ETV1: variants seen among roughly 807,000 people sequenced by gnomAD.
ETV1 encodes ETS variant transcription factor 1, also known as ETS translocation variant 1.
In ETV1, 27 loss-of-function variants were observed where a neutral mutation model predicts 62.3. The ratio of observed to expected loss-of-function variants is 0.43; its 90% confidence interval spans 0.32 to 0.60. The LOEUF (loss-of-function observed/expected upper bound fraction) is 0.60. Among genes scored for constraint, ETV1 ranks in the 20% least tolerant of loss-of-function variants. The probability of loss-of-function intolerance (pLI) is 0.06; values close to 1 mark genes in which losing one functional copy is unlikely to be tolerated. For missense variants in ETV1, 605 were observed against 605.8 expected, an observed-to-expected ratio of 1.00 and a Z score of 0.01; for synonymous variants, 222 against 199.6, an observed-to-expected ratio of 1.11 and a Z score of -0.94.
At chr7:13,988,902 T>C (rs1023106852) in intron 3 of ETV1, 106 bp downstream of exon 3, 1 of 1,526,162 alleles carries the variant, frequency 6.6e-7, no homozygotes, top group African/African-American at 1.4e-5. Flanking sequence ...AGCAGATAAG[T>C]ATCTGCAATC....
chr7:13,905,922 C>T (rs952222071), intron 12 of ETV1, among the ~76,000 whole-genome samples: 10 of 152,076 alleles, frequency 6.6e-5, no homozygotes, highest in Non-Finnish European at 1.2e-4. Context: ...TCCCTTTATC[C>T]GCCACAGCTG....
At chr7:13,971,754 T>A (rs533354279) in intron 6 of ETV1, among the ~76,000 whole-genome samples, 4 of 152,260 alleles carry the variant, frequency 2.6e-5, no homozygotes, top group African/African-American at 9.6e-5. Context: ...ACAAACTAGT[T>A]CTAAAAATAA....
intron 9 of ETV1, among the ~76,000 whole-genome samples, chr7:13,928,773 C>T (rs904385830): frequency 6.6e-6 from 1 of 152,114 alleles, no homozygotes; most frequent in Non-Finnish European, 1.5e-5. Context: ...GCCTGGCCAC[C>T]ATGGTGAAAC....
chr7:13,954,246 A>G (rs1483766196), intron 6 of ETV1, among the ~76,000 whole-genome samples: 1 of 152,234 alleles, frequency 6.6e-6, no homozygotes, highest in Non-Finnish European at 1.5e-5. Context: ...TCAGTGATGC[A>G]AATACTTGCT....
intron 12 of ETV1, among the ~76,000 whole-genome samples, chr7:13,905,943 ATCT>A (rs1176831060): frequency 3.3e-5 from 5 of 151,954 alleles, no homozygotes; most frequent in African/African-American, 9.7e-5. Flanking sequence ...TTTTTCCCCA[ATCT>A]TCTTTTGAAC....
At chr7:13,907,815 T>C (rs1265431338) in intron 11 of ETV1, 2 of 470,612 alleles carry the variant, frequency 4.2e-6, no homozygotes, top group African/African-American at 4.0e-5. Context: ...GAGAGACATA[T>C]ACCTCTTAAA....
chr7:13,988,007 A>T, intron 4 of ETV1, 79 bp downstream of exon 4: 1 of 793,790 alleles, frequency 1.3e-6, no homozygotes, highest in Non-Finnish European at 2.2e-6. Context: ...TTAAGATAAG[A>T]CTGAAGTGCT....
chr7:13,896,305 C>A (rs1048408768), intron 13 of ETV1, among the ~76,000 whole-genome samples: 1 of 151,906 alleles, frequency 6.6e-6, no homozygotes, highest in East Asian at 1.9e-4. Context: ...AAATGTTGAC[C>A]TTGAATAATA....
rs1288564717 is a variant in ETV1 at position 13,907,025 on chromosome 7, T to A, written c.941-426A>T. 2.0e-5 allele frequency among the ~76,000 whole-genome samples: 3 copies of A among 152,196 alleles called. No homozygotes were observed. The East Asian group carries it at 5.8e-4, about 29-fold the overall frequency. On this transcript the variant is annotated intron_variant, in intron 11 of 13. Coordinates refer to ENST00000430479, the MANE Select transcript of ETV1 (RefSeq NM_004956.5). The stretch of plus-strand genomic sequence containing the variant: ...CAATCTTAAGCTCTGGGCATTTGAT[T>A]CATACAAATTAAATTCTGCAAACTA...
At position 13,893,682 on chromosome 7, in the gene ETV1, A is replaced by G. The variant is rs1781535393; in HGVS notation, c.*2184T>C. On this transcript the variant is annotated 3_prime_UTR_variant, in exon 14 of 14. Transcript: ENST00000430479. ...TCAATACAGTTTTCATTCAGAATAT[A>G]TTTTAAAGACTCACTTAAATTTTCT... 4.3e-6 allele frequency: 1 copy of G among 232,760 alleles called. No individual in the cohort carries two copies. Among genetic ancestry groups the G allele is most frequent in the Non-Finnish European group, 8.5e-6 (1 of 117,552 alleles). The allele number at this position is 232,760 out of a possible 1,614,324, so 14.4% of individuals were successfully genotyped here.
At chr7:13,901,031 T>C (rs889523587) in intron 12 of ETV1, among the ~76,000 whole-genome samples, 192 bp from the exon 13 acceptor site, 4 of 147,862 alleles carry the variant, frequency 2.7e-5, no homozygotes, top group Admixed American at 1.4e-4. Flanking sequence ...TGAAACAGAG[T>C]CTTGCTCTGT....
Position 13,989,644 on chromosome 7 carries a change from C to T in ETV1, c.-366G>A. 2.5e-6 allele frequency: 1 copy of T among 399,046 alleles called. No homozygotes were observed. Among genetic ancestry groups the T allele is most frequent in the Non-Finnish European group, 4.4e-6 (1 of 226,108 alleles). 24.7% of individuals were successfully genotyped at this position (399,046 alleles called of 1,614,324 possible). A position where few individuals can be genotyped will look rare whatever the true frequency, so the allele number is the denominator to read the frequency against. ...CATTAATTATAGCCCAGCACTTCCC[C>T]CTTGGAAGCCGAAAGCGCCTCTGAC... On this transcript the variant is annotated 5_prime_UTR_variant, in exon 1 of 14. Coordinates refer to ENST00000430479, the MANE Select transcript of ETV1 (RefSeq NM_004956.5).
At chr7:13,977,784 A>G (rs935137417) in intron 5 of ETV1, among the ~76,000 whole-genome samples, 11 of 151,924 alleles carry the variant, frequency 7.2e-5, no homozygotes, top group Non-Finnish European at 1.3e-4. Context: ...AAGCTATAGA[A>G]TTTCCATTTC....
rs1162329351 is a variant in ETV1 at position 13,895,350 on chromosome 7, A to G, written c.*516T>C. 1 of 234,374 alleles carries G rather than the reference A, an allele frequency of 4.3e-6. No individual in the cohort carries two copies. The highest frequency in any genetic ancestry group is 8.4e-6 in the Non-Finnish European group (1 of 118,640). 14.5% of individuals were successfully genotyped at this position (234,374 alleles called of 1,614,324 possible). On this transcript the variant is annotated 3_prime_UTR_variant, in exon 14 of 14. Transcript: ENST00000430479. ...TTTTACAAGTGGTGCAAAAACAGTC[A>G]TTTCTAACAATTAAACTGCCATTTA...
intron 6 of ETV1, among the ~76,000 whole-genome samples, chr7:13,950,941 C>CAAAA (rs1554303958): frequency 6.8e-6 from 1 of 147,108 alleles, no homozygotes. Context: ...CACACACACA[C>CAAAA]AATATCGAGC....
At position 13,895,138 on chromosome 7, in the gene ETV1, A is replaced by G. The variant is rs1781650938; in HGVS notation, c.*728T>C. On this transcript the variant is annotated 3_prime_UTR_variant, in exon 14 of 14. Transcript: ENST00000430479. ...ATTTGTATCTAAACAGCAAGGTGGC[A>G]CCAGATACACGTAATGCTACTGGCC... is the stretch of plus-strand genomic sequence containing the variant. 1 of 233,506 alleles carries G rather than the reference A, an allele frequency of 4.3e-6. No homozygotes were observed. Among genetic ancestry groups the G allele is most frequent in the Non-Finnish European group, 8.5e-6 (1 of 117,942 alleles). The allele number at this position is 233,506 out of a possible 1,614,324, so 14.5% of individuals were successfully genotyped here. A position where few individuals can be genotyped will look rare whatever the true frequency, so the allele number is the denominator to read the frequency against.
At chr7:13,958,667 G>A (rs1018496671) in intron 6 of ETV1, 3 of 152,014 alleles carry the variant, frequency 2.0e-5, no homozygotes, top group Admixed American at 6.6e-5. Context: ...GTGTAGCATC[G>A]TGGTTAAGAG....
At chr7:13,897,208 TGG>T (rs1781940384) in intron 13 of ETV1, among the ~76,000 whole-genome samples, 1 of 152,140 alleles carries the variant, frequency 6.6e-6, no homozygotes, top group Admixed American at 6.5e-5. Flanking sequence ...TCACTTTGTA[TGG>T]GTGTGTGTAA....
chr7:13,948,145 A>G (rs2128469007), intron 6 of ETV1, among the ~76,000 whole-genome samples: 1 of 152,356 alleles, frequency 6.6e-6, no homozygotes, highest in East Asian at 1.9e-4. Flanking sequence ...CACTGAAGGA[A>G]GAATGTTGCT....
Sources: allele counts gnomAD v4.1 joint callset (sites outside exome capture counted in the v4.1 genomes callset), GRCh38; gene constraint gnomAD v4.1.1; transcripts MANE v1.5; gene names NCBI Gene and HGNC (gene_info 2026-07-23, HGNC 2026-07-21).